Variants in ATP13A4 observed in about 807,000 individuals in gnomAD.
The protein encoded by ATP13A4 is ATPase 13A4.
In ATP13A4, 114 loss-of-function variants were observed where a neutral mutation model predicts 142.5. That is an observed-to-expected ratio of 0.80 (90% CI 0.69 to 0.93). The LOEUF is 0.93. ATP13A4 is among the 40% of genes least tolerant of loss of function. The pLI is 0.00. For synonymous variants in ATP13A4, 488 were observed against 514.8 expected (o/e 0.95, Z 0.70); for missense variants, 1,392 against 1,454.0 (o/e 0.96, Z 0.69).
At chr3:193,441,274 GTTTA>G (rs1378595652) in intron 20 of ATP13A4, among the ~76,000 whole-genome samples, 188 bp downstream of exon 20, 1 of 152,014 alleles carries the variant, frequency 6.6e-6, no homozygotes, top group Non-Finnish European at 1.5e-5. Context: ...GACTAATCAA[GTTTA>G]TTTATTTCAA....
At chr3:193,466,209 C>T (rs1718276734) in intron 10 of ATP13A4, 27 bp from the exon 11 acceptor site, 1 of 1,613,170 alleles carries the variant, frequency 6.2e-7, no homozygotes, top group South Asian at 1.1e-5. Context: ...ACACCCCACA[C>T]TCTCAGGAGA....
chr3:193,470,974 T>C lies in ATP13A4; in HGVS notation c.828A>G (p.Glu276=), dbSNP rs1371852239. 2.5e-6 allele frequency: 4 copies of C among 1,614,184 alleles called. No homozygotes were observed. The highest frequency in any genetic ancestry group is 3.4e-6 in the Non-Finnish European group (4 of 1,180,018). ...CGRKAGVQEL[E]SRVLVPGDLL... is the part of the protein sequence containing the mutation. ...AATCTCCAGGCACCAGGACGCGTGA[T>C]TCCAGCTCTTGAACTCCAGCTGAAA... is the stretch of plus-strand genomic sequence containing the variant. The change falls in exon 9 of 30, where the codon GAA becomes GAG. Residue 276 remains glutamate, a synonymous_variant. Coordinates refer to ENST00000342695, the MANE Select transcript of ATP13A4 (RefSeq NM_032279.4).
At position 193,478,826 on chromosome 3, in the gene ATP13A4, C is replaced by T. The variant is rs1181400401; in HGVS notation, c.808+5110G>A. On this transcript the variant is annotated intron_variant, in intron 8 of 29. Coordinates refer to ENST00000342695, the MANE Select transcript of ATP13A4 (RefSeq NM_032279.4). ...GAACGACATAACAAAAAAAGAAAAC[C>T]ACAGACCAATGTCCCTGATGAACAT... 5.0e-5 allele frequency among the ~76,000 whole-genome samples: 6 copies of T among 119,620 alleles called. No individual in the cohort carries two copies. The East Asian group carries it at 7.1e-4, about 14-fold the overall frequency. The allele number at this position is 119,620 out of a possible 152,430, so 78.5% of individuals were successfully genotyped here. A position where few individuals can be genotyped will look rare whatever the true frequency, so the allele number is the denominator to read the frequency against.
At chr3:193,458,765 C>T (rs1576985078) in intron 14 of ATP13A4, 1 of 572,760 alleles carries the variant, frequency 1.7e-6, no homozygotes, top group East Asian at 2.9e-5. Flanking sequence ...GAGAACAGTA[C>T]AGAGAGACAA....
chr3:193,535,257 T>C (rs1364956717), intron 1 of ATP13A4, among the ~76,000 whole-genome samples: 1 of 152,176 alleles, frequency 6.6e-6, no homozygotes, highest in Non-Finnish European at 1.5e-5. Context: ...TCATGGAACA[T>C]ACATTAAGAT....
intron 1 of ATP13A4, among the ~76,000 whole-genome samples, chr3:193,592,164 G>GGTGAAA (rs1724828768): frequency 6.7e-6 from 1 of 149,104 alleles, no homozygotes; most frequent in East Asian, 2.0e-4. Flanking sequence ...GTGGGGAGGA[G>GGTGAAA]GTGAAAGGTC....
At chr3:193,501,124 T>G (rs776224430) in intron 3 of ATP13A4, among the ~76,000 whole-genome samples, 2 of 152,204 alleles carry the variant, frequency 1.3e-5, no homozygotes, top group Non-Finnish European at 2.9e-5. Flanking sequence ...ATCTGTCCAC[T>G]TATTTATTTG....
intron 2 of ATP13A4, among the ~76,000 whole-genome samples, chr3:193,573,719 G>A (rs1373296361): frequency 6.6e-6 from 1 of 152,132 alleles, no homozygotes; most frequent in Non-Finnish European, 1.5e-5. Context: ...TCCTAGCTCA[G>A]CTGTGGAATT....
At chr3:193,467,685 T>C (rs1239112137) in intron 9 of ATP13A4, among the ~76,000 whole-genome samples, 199 bp from the exon 10 acceptor site, 12 of 152,208 alleles carry the variant, frequency 7.9e-5, no homozygotes, top group Non-Finnish European at 4.4e-5. Flanking sequence ...GAGACAGATA[T>C]GTAAACTGAT....
In ATP13A4 at chr3:193,400,269, C is replaced by A. The variant is rs181233171; in HGVS notation, c.*2383G>T. Among the ~76,000 whole-genome samples the A allele has an allele frequency of 2.0e-5, 3 of 152,312 alleles. No homozygotes were observed. Among genetic ancestry groups the A allele is most frequent in the Admixed American group, 6.5e-5 (1 of 15,304 alleles). Reference sequence around the variant, plus strand: ...GGAATACAGTCTTCAAAATGAGTCTCTTTTCCCAAAGATTTTATGGCTGCT... The same window carrying A: ...GGAATACAGTCTTCAAAATGAGTCTATTTTCCCAAAGATTTTATGGCTGCT... On this transcript the variant is annotated 3_prime_UTR_variant, in exon 30 of 30. Transcript: ENST00000342695.
At chr3:193,563,296 G>A (rs1724057605) in intron 2 of ATP13A4, among the ~76,000 whole-genome samples, 1 of 152,086 alleles carries the variant, frequency 6.6e-6, no homozygotes, top group Non-Finnish European at 1.5e-5. Flanking sequence ...GAGAAGGCCT[G>A]GCTAACCCAC....
chr3:193,404,795 G>A (rs1714411721), intron 29 of ATP13A4, among the ~76,000 whole-genome samples: 1 of 152,142 alleles, frequency 6.6e-6, no homozygotes, highest in Non-Finnish European at 1.5e-5. Flanking sequence ...TTTGTTCACA[G>A]CAGTGGGAGA....
chr3:193,437,197 C>T (rs1206188017), intron 23 of ATP13A4, among the ~76,000 whole-genome samples: 2 of 149,138 alleles, frequency 1.3e-5, no homozygotes, highest in African/African-American at 2.5e-5. Context: ...GGTAGTTTCT[C>T]CTTATTGCTT....
At chr3:193,515,280 C>T (rs1394095046) in intron 1 of ATP13A4, among the ~76,000 whole-genome samples, 4 of 152,114 alleles carry the variant, frequency 2.6e-5, no homozygotes, top group South Asian at 4.1e-4. Context: ...TGCCCAAGGC[C>T]GCACAGCTAG....
chr3:193,461,590 C>T (rs1485112948), intron 13 of ATP13A4, among the ~76,000 whole-genome samples: 1 of 152,128 alleles, frequency 6.6e-6, no homozygotes, highest in Non-Finnish European at 1.5e-5. Flanking sequence ...TTCTAGATAG[C>T]ATTTTAATAT....
intron 25 of ATP13A4, chr3:193,417,166 A>C (rs1715107066): frequency 6.6e-6 from 1 of 152,248 alleles, no homozygotes; most frequent in African/African-American, 2.4e-5. Flanking sequence ...AAGACATCCC[A>C]GATAAACAGA....
intron 19 of ATP13A4, 126 bp downstream of exon 19, chr3:193,442,267 G>T: frequency 1.0e-6 from 1 of 984,176 alleles, no homozygotes; most frequent in Non-Finnish European, 1.6e-6. Flanking sequence ...CAATGTAACT[G>T]AGTTCGTTCA....
chr3:193,465,483 C>T (rs182643905), intron 11 of ATP13A4, among the ~76,000 whole-genome samples: 64 of 152,232 alleles, frequency 4.2e-4, no homozygotes, highest in African/African-American at 9.4e-4. Flanking sequence ...CCACCTTGCC[C>T]GGCCTTCCTT....
intron 25 of ATP13A4, among the ~76,000 whole-genome samples, chr3:193,430,634 G>A (rs1164213778): frequency 6.6e-6 from 1 of 151,472 alleles, no homozygotes; most frequent in Non-Finnish European, 1.5e-5. Context: ...CAAGGGGAGA[G>A]TATTTTAGGC....
Sources: gnomAD v4.1 joint callset for allele counts (sites outside exome capture counted in the v4.1 genomes callset) on GRCh38, gnomAD v4.1.1 for gene constraint, MANE v1.5 for transcripts, NCBI Gene and HGNC (gene_info 2026-07-23, HGNC 2026-07-21) for gene names.